The following MAP2K4 variants were observed in gnomAD, a reference collection of about 807,000 sequenced individuals.
MAP2K4 encodes mitogen-activated protein kinase kinase 4.
MAP2K4 carries 4 observed loss-of-function variants against 48.5 expected under a neutral mutation model. That is an observed-to-expected ratio of 0.08 (90% CI 0.04 to 0.19). The LOEUF is 0.19. MAP2K4 is among the 10% of genes least tolerant of loss of function. The probability of loss-of-function intolerance (pLI) is 1.00; values close to 1 mark genes in which losing one functional copy is unlikely to be tolerated. For missense variants in MAP2K4, 258 were observed against 493.3 expected, an observed-to-expected ratio of 0.52 and a Z score of 4.52; for synonymous variants, 166 against 173.1, an observed-to-expected ratio of 0.96 and a Z score of 0.32.
At chr17:12,032,846 A>G (rs1343725738) in intron 1 of MAP2K4, among the ~76,000 whole-genome samples, 1 of 152,078 alleles carries the variant, frequency 6.6e-6, no homozygotes, top group African/African-American at 2.4e-5. Context: ...TAAACCTTGT[A>G]TTTTATTTAT....
chr17:12,117,409 TAA>T (rs561108727), intron 7 of MAP2K4, among the ~76,000 whole-genome samples: 1 of 144,038 alleles, frequency 6.9e-6, no homozygotes. Context: ...GTTCCCAAGG[TAA>T]AAAAAAAAAG....
At chr17:12,061,586 A>G (rs1264214588) in intron 2 of MAP2K4, among the ~76,000 whole-genome samples, 1 of 152,200 alleles carries the variant, frequency 6.6e-6, no homozygotes, top group Non-Finnish European at 1.5e-5. Context: ...TTAATGATAC[A>G]TGCTGTTGAG....
chr17:12,061,208 G>GT (rs1456050592), intron 2 of MAP2K4, among the ~76,000 whole-genome samples: 2 of 152,134 alleles, frequency 1.3e-5, no homozygotes, highest in Non-Finnish European at 2.9e-5. Flanking sequence ...GCAGCATTTT[G>GT]TTTAGCCATT....
intron 7 of MAP2K4, chr17:12,124,958 C>T (rs1013768765): frequency 3.8e-6 from 1 of 261,960 alleles, no homozygotes; most frequent in African/African-American, 2.2e-5. Context: ...TACGGGCGTG[C>T]GCCACTGCAC....
chr17:12,048,449 A>G lies in MAP2K4; in HGVS notation c.116-6440A>G, dbSNP rs1970033121. Among the ~76,000 whole-genome samples, 3 of 152,184 alleles carry G rather than the reference A, an allele frequency of 2.0e-5. No homozygotes were observed. The South Asian group carries it at 6.2e-4, about 31-fold the overall frequency. ...CCAAAATGCTTAGCTGTGTGGATGA[A>G]CAACAGTGCTTTATTGATGAGAGTT... On this transcript the variant is annotated intron_variant, in intron 1 of 10. Transcript: ENST00000353533.
At chr17:12,128,338 A>C (rs962113065) in intron 8 of MAP2K4, among the ~76,000 whole-genome samples, 1 of 152,202 alleles carries the variant, frequency 6.6e-6, no homozygotes, top group African/African-American at 2.4e-5. Flanking sequence ...CGGCATCCCA[A>C]AGTGGTGGGA....
At chr17:12,054,431 G>A (rs550831328) in intron 1 of MAP2K4, among the ~76,000 whole-genome samples, 48 of 152,070 alleles carry the variant, frequency 3.2e-4, no homozygotes, top group Admixed American at 2.6e-3. Context: ...TTACTCTACC[G>A]TAATGTTTTT....
chr17:12,068,161 A>G (rs1005261566), intron 2 of MAP2K4, among the ~76,000 whole-genome samples: 41 of 152,330 alleles, frequency 2.7e-4, no homozygotes, highest in Middle Eastern at 3.4e-3. Flanking sequence ...ATGAGAAAGG[A>G]AAAACAAACA....
chr17:12,048,073 G>C (rs1970022952), intron 1 of MAP2K4, among the ~76,000 whole-genome samples: 1 of 151,830 alleles, frequency 6.6e-6, no homozygotes, highest in South Asian at 2.1e-4. Flanking sequence ...TCACTATGTT[G>C]CCCAGGCTGC....
chr17:12,067,666 A>G (rs1970661464), intron 2 of MAP2K4, among the ~76,000 whole-genome samples: 1 of 152,232 alleles, frequency 6.6e-6, no homozygotes, highest in Non-Finnish European at 1.5e-5. Context: ...GATATCTCAT[A>G]GAGTCCAGGG....
At chr17:12,095,834 TTTAC>T in intron 4 of MAP2K4, 140 bp downstream of exon 4, 1 of 1,048,912 alleles carries the variant, frequency 9.5e-7, no homozygotes, top group Non-Finnish European at 1.4e-6. Context: ...ACCATGGTAA[TTTAC>T]ATATTAACTT....
chr17:12,143,290 C>G lies in MAP2K4; in HGVS notation c.*2030C>G, dbSNP rs1973433558. 1 of 232,752 alleles carries G rather than the reference C, an allele frequency of 4.3e-6. No individual in the cohort carries two copies. The highest frequency in any genetic ancestry group is 5.6e-5 in the Admixed American group (1 of 17,764). The allele number at this position is 232,752 out of a possible 1,614,324, so 14.4% of individuals were successfully genotyped here. On this transcript the variant is annotated 3_prime_UTR_variant, in exon 11 of 11. Coordinates refer to ENST00000353533, the MANE Select transcript of MAP2K4 (RefSeq NM_003010.4). ...AAAAGCAATTCTGACTGTCCAGGAG[C>G]TAATCTGACCGTTCTATTGTGTGGA...
chr17:12,024,849 C>T lies in MAP2K4; in HGVS notation c.115+3848C>T, dbSNP rs566429657. Among the ~76,000 whole-genome samples the T allele has an allele frequency of 7.2e-5, 11 of 152,230 alleles. No individual in the cohort carries two copies. In the South Asian group the frequency reaches 1.9e-3, roughly 26 times the overall value. On this transcript the variant is annotated intron_variant, in intron 1 of 10. Coordinates refer to ENST00000353533, the MANE Select transcript of MAP2K4 (RefSeq NM_003010.4). ...CCTTCCTAGCCATGGCTAGGGCTTTCCCTTGTGGCAAATCTAAAGCCTCGT... is the reference window on the plus strand; with the variant it reads ...CCTTCCTAGCCATGGCTAGGGCTTTTCCTTGTGGCAAATCTAAAGCCTCGT...
chr17:12,073,812 G>C (rs28918128), intron 2 of MAP2K4, among the ~76,000 whole-genome samples: 26,323 of 138,646 alleles, frequency 0.19, 2,732 homozygotes, highest in Middle Eastern at 0.36. Context: ...TCGTACTGTT[G>C]CCTGGGCTGG....
intron 1 of MAP2K4, among the ~76,000 whole-genome samples, chr17:12,021,851 T>C (rs1969082794): frequency 1.3e-5 from 2 of 152,186 alleles, no homozygotes; most frequent in South Asian, 4.1e-4. Context: ...CTCTGCTAAT[T>C]AATGACTTTC....
intron 4 of MAP2K4, among the ~76,000 whole-genome samples, chr17:12,103,257 G>C (rs917807117): frequency 6.7e-6 from 1 of 150,176 alleles, no homozygotes; most frequent in African/African-American, 2.5e-5. Flanking sequence ...TTGTTGACCA[G>C]GCTAGTCTCA....
chr17:12,128,681 G>GGCTTTTGTTCCTCC (rs1295070902), intron 8 of MAP2K4, among the ~76,000 whole-genome samples: 23 of 152,220 alleles, frequency 1.5e-4, no homozygotes, highest in African/African-American at 5.5e-4. Context: ...TCCAAGCTCA[G>GGCTTTTGTTCCTCC]ATTAGGCTTT....
chr17:12,070,174 T>TA lies in MAP2K4; in HGVS notation c.219-11181dup, dbSNP rs141727943. ...AACTAATTAAATAATAAAAGGTTCT[T>TA]ACGGATAGTGGTTCTAGGCACAAGA... On this transcript the variant is annotated intron_variant, in intron 2 of 10. Transcript: ENST00000353533. Among the ~76,000 whole-genome samples, 1,353 of 151,930 alleles carry TA rather than the reference T, an allele frequency of 8.9e-3. 23 individuals carry two copies. Among genetic ancestry groups the TA allele is most frequent in the African/African-American group, 0.031 (1,295 of 41,416 alleles).
intron 3 of MAP2K4, among the ~76,000 whole-genome samples, chr17:12,087,139 C>T (rs750581258): frequency 7.9e-5 from 12 of 152,136 alleles, no homozygotes; most frequent in South Asian, 2.1e-4. Flanking sequence ...AGAGCTACCA[C>T]GCCCAGCCAA....
Sources: allele counts gnomAD v4.1 joint callset (sites outside exome capture counted in the v4.1 genomes callset), GRCh38; gene constraint gnomAD v4.1.1; transcripts MANE v1.5; gene names NCBI Gene and HGNC (gene_info 2026-07-23, HGNC 2026-07-21).